MACROH2A1: variants seen among roughly 807,000 people sequenced by gnomAD.
The protein encoded by MACROH2A1 is macroH2A.1 histone.
Under a neutral mutation model 31.6 loss-of-function variants are expected in MACROH2A1, and 2 were observed. The ratio of observed to expected loss-of-function variants is 0.06; its 90% CI spans 0.03 to 0.20. The LOEUF (loss-of-function observed/expected upper bound fraction) is 0.20, where lower values mean the gene tolerates loss of function less well. Among genes scored for constraint, MACROH2A1 ranks in the 10% least tolerant of loss-of-function variants. MACROH2A1 has a pLI of 1.00. For synonymous variants in MACROH2A1, 169 were observed against 189.6 expected, an observed-to-expected ratio of 0.89 and a Z score of 0.89; for missense variants, 230 against 474.0, an observed-to-expected ratio of 0.49 and a Z score of 4.78.
intron 2 of MACROH2A1, among the ~76,000 whole-genome samples, chr5:135,379,249 C>G (rs1053737379): frequency 6.6e-6 from 1 of 152,186 alleles, no homozygotes; most frequent in South Asian, 2.1e-4. Context: ...GAGGGTATCT[C>G]AGCACCAGGC....
At chr5:135,337,427 T>C (rs1201279320) in intron 8 of MACROH2A1, among the ~76,000 whole-genome samples, 1 of 152,250 alleles carries the variant, frequency 6.6e-6, no homozygotes, top group Admixed American at 6.5e-5. Flanking sequence ...ACACCAAAAG[T>C]GTGCCAGTCA....
At chr5:135,352,056 G>A (rs2149775044) in intron 6 of MACROH2A1, among the ~76,000 whole-genome samples, 1 of 152,310 alleles carries the variant, frequency 6.6e-6, no homozygotes, top group Non-Finnish European at 1.5e-5. Flanking sequence ...CATGGAATGA[G>A]TGTATCTCCC....
At chr5:135,359,742 C>G (rs1276377723) in intron 5 of MACROH2A1, 1 of 961,506 alleles carries the variant, frequency 1.0e-6, no homozygotes, top group Admixed American at 6.2e-5. Context: ...AAATTCATTC[C>G]TTTAATTCTT....
At chr5:135,355,364 T>G in intron 5 of MACROH2A1, 1 of 410,458 alleles carries the variant, frequency 2.4e-6, no homozygotes, top group Non-Finnish European at 4.9e-6. Flanking sequence ...CCACTACTAC[T>G]CAGCATTGAG....
At chr5:135,371,962 C>A (rs1053008398) in intron 2 of MACROH2A1, among the ~76,000 whole-genome samples, 1 of 152,188 alleles carries the variant, frequency 6.6e-6, no homozygotes, top group African/African-American at 2.4e-5. Context: ...AACAGCTCCA[C>A]CCAATGCAAA....
At chr5:135,338,876 G>C (rs567162237) in intron 8 of MACROH2A1, among the ~76,000 whole-genome samples, 1 of 152,288 alleles carries the variant, frequency 6.6e-6, no homozygotes, top group South Asian at 2.1e-4. Context: ...GCTGCTTTGG[G>C]CCAGGGTGTT....
At chr5:135,358,711 G>A in intron 5 of MACROH2A1, 15 of 932,210 alleles carry the variant, frequency 1.6e-5, no homozygotes, top group Non-Finnish European at 1.8e-5. Flanking sequence ...TGATATGTTT[G>A]TAATTTATTA....
At position 135,369,765 on chromosome 5, in the gene MACROH2A1, G is replaced by T. The variant is rs1763953657; in HGVS notation, c.280-162C>A. 6.6e-6 allele frequency among the ~76,000 whole-genome samples: 1 copy of T among 152,090 alleles called. No individual in the cohort carries two copies. The highest frequency in any genetic ancestry group is 2.4e-5 in the African/African-American group (1 of 41,428). Reference sequence around the variant, plus strand: ...GCCAGGACTCAAGCTCACTGCTCAGGGATCCAGTCCCCAGAGTCCCTCACT... The same window carrying T: ...GCCAGGACTCAAGCTCACTGCTCAGTGATCCAGTCCCCAGAGTCCCTCACT... On this transcript the variant is annotated intron_variant, in intron 3 of 8. Transcript: ENST00000511689. The surrounding 1 kb of genome is among the most constrained non-coding windows in gnomAD (Gnocchi z 4.3).
intron 8 of MACROH2A1, chr5:135,338,036 C>A: frequency 8.8e-7 from 1 of 1,140,514 alleles, no homozygotes; most frequent in Non-Finnish European, 1.1e-6. Flanking sequence ...CTAACGTTTT[C>A]TGGTGGGCCT....
At chr5:135,360,816 A>G in intron 4 of MACROH2A1, 1 of 685,246 alleles carries the variant, frequency 1.5e-6, no homozygotes, top group Admixed American at 2.0e-5. Flanking sequence ...TAATCACTTT[A>G]TGATCGTAAA....
At chr5:135,354,585 G>A (rs745340332) in intron 5 of MACROH2A1, 5 of 167,654 alleles carry the variant, frequency 3.0e-5, no homozygotes, top group African/African-American at 7.2e-5. Context: ...AAGCCATGGG[G>A]GTGATCTCAC....
chr5:135,361,441 C>A (rs1426657413), intron 4 of MACROH2A1: 1 of 152,116 alleles, frequency 6.6e-6, no homozygotes, highest in Non-Finnish European at 1.5e-5. Flanking sequence ...AGTAGGGATG[C>A]GTGTTTTTGG....
chr5:135,353,258 A>T (rs111523113), intron 5 of MACROH2A1: 1 of 526,466 alleles, frequency 1.9e-6, no homozygotes, highest in African/African-American at 1.9e-5. Flanking sequence ...GAATGTTCAG[A>T]GCCCGTGGGT....
At chr5:135,383,213 A>G (rs993100328) in intron 2 of MACROH2A1, among the ~76,000 whole-genome samples, 7 of 152,256 alleles carry the variant, frequency 4.6e-5, no homozygotes, top group African/African-American at 1.7e-4. Context: ...AGGGAGACTG[A>G]AGGAAGCTTG....
chr5:135,360,471 T>C (rs1379915052), intron 5 of MACROH2A1, 26 bp downstream of exon 5: 3 of 1,442,352 alleles, frequency 2.1e-6, no homozygotes, highest in Non-Finnish European at 2.0e-6. Context: ...GGCCCTCGAG[T>C]AGACTGAGGC....
chr5:135,363,727 T>A (rs1216535266), intron 4 of MACROH2A1, among the ~76,000 whole-genome samples: 1 of 152,226 alleles, frequency 6.6e-6, no homozygotes, highest in African/African-American at 2.4e-5. Context: ...GTATTTCTAG[T>A]TCTAGATCCT....
intron 5 of MACROH2A1, chr5:135,358,084 T>C: frequency 1.0e-6 from 1 of 983,950 alleles, no homozygotes; most frequent in Non-Finnish European, 1.2e-6. Flanking sequence ...TCAAAATTAA[T>C]GTCTATAATA....
rs568473958 is a variant in MACROH2A1, at chr5:135,342,031, G to A, written c.953+1229C>T. Among the ~76,000 whole-genome samples, 6 of 152,346 alleles carry A rather than the reference G, an allele frequency of 3.9e-5. No individual in the cohort carries two copies. In the East Asian group the frequency reaches 1.2e-3, roughly 29 times the overall value. On this transcript the variant is annotated intron_variant, in intron 8 of 8. Transcript: ENST00000511689. ...TGCCAATACAGAACCCCAGGTTATG[G>A]CTCCTCTTGGGCGCAAGTTGTTAAC...
intron 8 of MACROH2A1, among the ~76,000 whole-genome samples, chr5:135,336,850 G>A (rs1424365841): frequency 1.1e-4 from 16 of 152,220 alleles, no homozygotes; most frequent in African/African-American, 3.4e-4. Flanking sequence ...GTTGAGAATT[G>A]CTTGAGGAGA....
Sources: gnomAD v4.1 joint callset for allele counts (sites outside exome capture counted in the v4.1 genomes callset) on GRCh38, gnomAD v4.1.1 for gene constraint, Gnocchi (gnomAD v3.1) non-coding constraint, MANE v1.5 for transcripts, NCBI Gene and HGNC (gene_info 2026-07-23, HGNC 2026-07-21) for gene names.